NFATC2: variants seen among roughly 807,000 people sequenced by gnomAD.
The protein encoded by NFATC2 is nuclear factor of activated T cells 2.
In NFATC2, 22 loss-of-function variants were observed where a neutral mutation model predicts 87.3. The ratio of observed to expected loss-of-function variants is 0.25; its 90% confidence interval spans 0.18 to 0.36. The LOEUF is 0.36. Ranked by LOEUF, NFATC2 falls within the 10% of genes least tolerant of loss-of-function variation. The pLI, the probability that NFATC2 is intolerant of heterozygous loss-of-function variation, is 1.00. For missense variants in NFATC2, 1,149 were observed against 1,259.1 expected (o/e 0.91, Z 1.32); for synonymous variants, 565 against 542.2 (o/e 1.04, Z -0.58).
At chr20:51,455,742 G>A (rs189376626) in intron 5 of NFATC2, among the ~76,000 whole-genome samples, 65 of 6,400 alleles carry the variant, frequency 0.01, 1 homozygote, top group African/African-American at 0.049. Context: ...GTGGGTGGGT[G>A]GGTGGGTGGA....
intron 5 of NFATC2, among the ~76,000 whole-genome samples, chr20:51,464,668 G>T (rs1179086705): frequency 6.6e-6 from 1 of 152,184 alleles, no homozygotes; most frequent in Non-Finnish European, 1.5e-5. Flanking sequence ...GCCGGGGGGT[G>T]GGGGGATGAG....
intron 3 of NFATC2, among the ~76,000 whole-genome samples, chr20:51,507,726 G>A (rs1252165028): frequency 6.6e-6 from 1 of 152,192 alleles, no homozygotes; most frequent in Non-Finnish European, 1.5e-5. Context: ...GGCAGCATGG[G>A]CCAGTGGTCA....
chr20:51,491,106 G>C (rs903289442), intron 3 of NFATC2, among the ~76,000 whole-genome samples: 2 of 152,162 alleles, frequency 1.3e-5, no homozygotes, highest in Admixed American at 1.3e-4. Flanking sequence ...ACCACTGCCT[G>C]CCCACAAGCT....
At chr20:51,464,072 T>A (rs1987424291) in intron 5 of NFATC2, among the ~76,000 whole-genome samples, 1 of 152,202 alleles carries the variant, frequency 6.6e-6, no homozygotes, top group Non-Finnish European at 1.5e-5. Flanking sequence ...CAGCAGGGTA[T>A]GTTGCAGGCT....
In NFATC2 at chr20:51,388,699, T is replaced by C. The variant is rs1871166644; in HGVS notation, c.*2797A>G. On this transcript the variant is annotated 3_prime_UTR_variant, in exon 11 of 11. Coordinates refer to ENST00000371564, the MANE Select transcript of NFATC2 (RefSeq NM_012340.5). ...ACATATTATCAAGCAGCAGCATCTT[T>C]GTACAATACAGGAAGACTTGCAAAC... The C allele has an allele frequency of 6.6e-6, 1 of 152,242 alleles. No individual in the cohort carries two copies. The highest frequency in any genetic ancestry group is 2.4e-5 in the African/African-American group (1 of 41,466). 9.4% of individuals were successfully genotyped at this position (152,242 alleles called of 1,614,324 possible). A position where few individuals can be genotyped will look rare whatever the true frequency, so the allele number is the denominator to read the frequency against.
chr20:51,397,608 C>G (rs1487591931), intron 10 of NFATC2, among the ~76,000 whole-genome samples: 3 of 152,142 alleles, frequency 2.0e-5, no homozygotes, highest in Non-Finnish European at 2.9e-5. Context: ...TGAGGACACT[C>G]CTGAGGGACT....
intron 9 of NFATC2, among the ~76,000 whole-genome samples, chr20:51,423,805 C>T (rs1981335880): frequency 6.6e-6 from 1 of 152,144 alleles, no homozygotes; most frequent in Admixed American, 6.5e-5. Context: ...ATGAGGGCTG[C>T]GTGGACAGCA....
chr20:51,505,252 C>CGA (rs1044508736), intron 3 of NFATC2, among the ~76,000 whole-genome samples: 1 of 151,440 alleles, frequency 6.6e-6, no homozygotes, highest in African/African-American at 2.4e-5. Context: ...GATCTCTTGA[C>CGA]CTTGTGATCT....
intron 3 of NFATC2, among the ~76,000 whole-genome samples, chr20:51,486,883 T>C (rs566885712): frequency 6.6e-6 from 1 of 152,176 alleles, no homozygotes; most frequent in Admixed American, 6.5e-5. Context: ...AGAGACATAT[T>C]ATACCAGGCC....
chr20:51,538,674 T>C (rs2076759081), intron 1 of NFATC2, among the ~76,000 whole-genome samples: 1 of 152,216 alleles, frequency 6.6e-6, no homozygotes, highest in Non-Finnish European at 1.5e-5. Flanking sequence ...CAATGGCTCA[T>C]ATTAATTGAA....
At chr20:51,422,908 C>G (rs553853550) in intron 9 of NFATC2, among the ~76,000 whole-genome samples, 2 of 152,266 alleles carry the variant, frequency 1.3e-5, no homozygotes, top group African/African-American at 4.8e-5. Context: ...CTAAAGTAAC[C>G]AAATTCTTTT....
rs1354381153 is a variant in NFATC2 at position 51,390,002 on chromosome 20, T to C, written c.*1494A>G. 1 of 152,182 alleles carries C rather than the reference T, an allele frequency of 6.6e-6. No individual in the cohort carries two copies. The highest frequency in any genetic ancestry group is 2.1e-4 in the South Asian group (1 of 4,830). 9.4% of individuals were successfully genotyped at this position (152,182 alleles called of 1,614,324 possible). On this transcript the variant is annotated 3_prime_UTR_variant, in exon 11 of 11. Coordinates refer to ENST00000371564, the MANE Select transcript of NFATC2 (RefSeq NM_012340.5). ...CTTGTCCTGGGGTATCTGCAGTACA[T>C]GCAAACAGAAACAAACACATCTGCC...
Position 51,435,182 on chromosome 20 carries a change from C to T in NFATC2, c.2032+6G>A. 1.2e-6 allele frequency: 2 copies of T among 1,613,934 alleles called. No homozygotes were observed. The highest frequency in any genetic ancestry group is 1.7e-6 in the Non-Finnish European group (2 of 1,179,874). ...TAACAAAGGGGTCATCAGAAACACT[C>T]CTTACCTGGGTGGTAGGTAAAGTGC... On this transcript the variant is annotated splice_donor_region_variant and intron_variant, in intron 8 of 10. Coordinates refer to ENST00000371564, the MANE Select transcript of NFATC2 (RefSeq NM_012340.5).
chr20:51,433,990 A>G (rs1007435490), intron 8 of NFATC2, among the ~76,000 whole-genome samples: 7 of 152,196 alleles, frequency 4.6e-5, no homozygotes, highest in African/African-American at 1.7e-4. Flanking sequence ...GAGAGGCAAG[A>G]GCACCATGAA....
At chr20:51,484,260 T>A (rs143798356) in intron 3 of NFATC2, among the ~76,000 whole-genome samples, 1 of 152,048 alleles carries the variant, frequency 6.6e-6, no homozygotes, top group Admixed American at 6.5e-5. Context: ...CCACTCTTCA[T>A]TGGAACCTGT....
intron 3 of NFATC2, among the ~76,000 whole-genome samples, chr20:51,498,982 G>T (rs1280166862): frequency 6.6e-6 from 1 of 152,186 alleles, no homozygotes; most frequent in East Asian, 1.9e-4. Flanking sequence ...AGCCTACCTG[G>T]AGTGTTTGAG....
rs1282181322 is a variant in NFATC2, at chr20:51,442,473, T to TA, written c.1850-6713dup. ...ATAAAATAAAATAAAAAGCAGATTTTAAAAAAATGCTGCAGACCAGTATGT... is the reference window on the plus strand; with the variant it reads ...ATAAAATAAAATAAAAAGCAGATTTTAAAAAAAATGCTGCAGACCAGTATGT... On this transcript the variant is annotated intron_variant, in intron 6 of 10. Coordinates refer to ENST00000371564, the MANE Select transcript of NFATC2 (RefSeq NM_012340.5). 6.8e-3 allele frequency among the ~76,000 whole-genome samples: 1,030 copies of TA among 152,118 alleles called. 17 individuals are homozygous for TA. The highest frequency in any genetic ancestry group is 0.023 in the African/African-American group (951 of 41,496).
chr20:51,469,666 G>C (rs892091933), intron 5 of NFATC2, among the ~76,000 whole-genome samples: 1 of 152,088 alleles, frequency 6.6e-6, no homozygotes. Context: ...GTGCATCCTC[G>C]TAAGCAACAG....
Position 51,506,189 on chromosome 20 carries a change from G to A in NFATC2, c.1332+10595C>T, listed in dbSNP as rs537975371. 2.4e-4 allele frequency among the ~76,000 whole-genome samples: 36 copies of A among 152,294 alleles called. No homozygotes were observed. The South Asian group carries it at 2.9e-3, about 12-fold the overall frequency. On this transcript the variant is annotated intron_variant, in intron 3 of 10. Coordinates refer to ENST00000371564, the MANE Select transcript of NFATC2 (RefSeq NM_012340.5). ...CCAAGCAGGCACACAGGAAAAGCTC[G>A]GCCAGGGTCAGCCTGCTCATCACTG...
Sources: allele counts gnomAD v4.1 joint callset (sites outside exome capture counted in the v4.1 genomes callset), GRCh38; gene constraint gnomAD v4.1.1; transcripts MANE v1.5; gene names NCBI Gene and HGNC (gene_info 2026-07-23, HGNC 2026-07-21).